The following BMPR2 variants were observed in gnomAD, a reference collection of about 807,000 sequenced individuals.
BMPR2 encodes the protein bone morphogenetic protein receptor type 2, also known as bone morphogenetic protein receptor type-2.
A neutral mutation model predicts 100.8 loss-of-function variants in BMPR2; 29 were observed. That is an observed-to-expected ratio of 0.29 (90% CI 0.21 to 0.39). The LOEUF is 0.39. Among genes scored for constraint, BMPR2 ranks in the 10% least tolerant of loss-of-function variants. BMPR2 has a pLI of 1.00. For synonymous variants in BMPR2, 382 were observed against 442.3 expected (o/e 0.86, Z 1.71); for missense variants, 1,011 against 1,274.5 (o/e 0.79, Z 3.15).
At chr2:202,498,743 A>G (rs1370936582) in intron 3 of BMPR2, among the ~76,000 whole-genome samples, 2 of 152,036 alleles carry the variant, frequency 1.3e-5, no homozygotes, top group Non-Finnish European at 2.9e-5. Context: ...TTTCTGCACT[A>G]CGGCTTGGCC....
chr2:202,378,727 C>T (rs1690209656), intron 1 of BMPR2, among the ~76,000 whole-genome samples: 1 of 152,068 alleles, frequency 6.6e-6, no homozygotes, highest in African/African-American at 2.4e-5. Flanking sequence ...TACTTTAAAA[C>T]TGATATTTTA....
intron 3 of BMPR2, among the ~76,000 whole-genome samples, chr2:202,488,065 A>G (rs534481512): frequency 1.2e-4 from 19 of 152,292 alleles, no homozygotes; most frequent in Middle Eastern, 3.4e-3. Context: ...TCATGTATTT[A>G]TTCATGTATC....
intron 3 of BMPR2, among the ~76,000 whole-genome samples, chr2:202,485,772 T>G (rs752844672): frequency 1.3e-4 from 20 of 151,904 alleles, no homozygotes; most frequent in Non-Finnish European, 2.9e-4. Flanking sequence ...CTCAAACTCC[T>G]GACCTCAAGT....
intron 1 of BMPR2, among the ~76,000 whole-genome samples, chr2:202,393,788 C>T (rs1027749447): frequency 6.6e-6 from 1 of 151,594 alleles, no homozygotes; most frequent in Non-Finnish European, 1.5e-5. Context: ...TGAGCTGATT[C>T]TTGAAATCTT....
At chr2:202,389,055 A>G (rs763952172) in intron 1 of BMPR2, among the ~76,000 whole-genome samples, 1 of 151,742 alleles carries the variant, frequency 6.6e-6, no homozygotes, top group Non-Finnish European at 1.5e-5. Context: ...TATAATGAGA[A>G]CCCTGTCTCT....
intron 3 of BMPR2, among the ~76,000 whole-genome samples, chr2:202,478,147 G>C (rs1213245508): frequency 6.6e-6 from 1 of 152,112 alleles, no homozygotes; most frequent in Admixed American, 6.6e-5. Context: ...CTATTTAGTG[G>C]TATTCTTTTG....
chr2:202,517,816 CTTTTTTT>C (rs753338130), intron 5 of BMPR2, among the ~76,000 whole-genome samples: 8 of 142,312 alleles, frequency 5.6e-5, no homozygotes, highest in Non-Finnish European at 1.2e-4. Flanking sequence ...CTTCTTTTTT[CTTTTTTT>C]TTTTTTTGAG....
intron 1 of BMPR2, among the ~76,000 whole-genome samples, chr2:202,441,717 C>CAAAAA (rs33963123): frequency 4.5e-5 from 2 of 43,976 alleles, no homozygotes; most frequent in Non-Finnish European, 7.6e-5. Context: ...GACTCCGTCT[C>CAAAAA]AAAAAAAAAA....
At chr2:202,416,572 C>A (rs1417049496) in intron 1 of BMPR2, among the ~76,000 whole-genome samples, 1 of 151,476 alleles carries the variant, frequency 6.6e-6, no homozygotes, top group East Asian at 2.0e-4. Flanking sequence ...ACTACAGGCA[C>A]GTGCCACCAC....
chr2:202,490,937 G>GT (rs1235437996), intron 3 of BMPR2, among the ~76,000 whole-genome samples: 2 of 151,852 alleles, frequency 1.3e-5, no homozygotes, highest in Non-Finnish European at 2.9e-5. Flanking sequence ...TTTGTTTTTT[G>GT]TTTTTTGTTT....
chr2:202,452,200 T>A (rs974155354), intron 1 of BMPR2, among the ~76,000 whole-genome samples: 4 of 152,220 alleles, frequency 2.6e-5, no homozygotes, highest in Non-Finnish European at 4.4e-5. Flanking sequence ...CAATGACTGA[T>A]CTGCTTTAGA....
intron 1 of BMPR2, among the ~76,000 whole-genome samples, chr2:202,457,574 A>AGT: frequency 7.0e-6 from 1 of 143,576 alleles, no homozygotes; most frequent in Middle Eastern, 3.7e-3. Flanking sequence ...AGAGAGAGAG[A>AGT]GAGAGAGAGA....
chr2:202,454,162 C>A (rs372089166), intron 1 of BMPR2, among the ~76,000 whole-genome samples: 1 of 152,080 alleles, frequency 6.6e-6, no homozygotes, highest in Admixed American at 6.6e-5. Context: ...CACCACCTCC[C>A]GGGCTCAAGT....
chr2:202,524,383 A>G (rs537301483), intron 7 of BMPR2, among the ~76,000 whole-genome samples: 2 of 148,242 alleles, frequency 1.3e-5, no homozygotes, highest in African/African-American at 2.5e-5. Context: ...AAAAACAACT[A>G]CCTGTTGGGT....
chr2:202,468,683 T>C (rs915820458), intron 3 of BMPR2, among the ~76,000 whole-genome samples: 6 of 152,162 alleles, frequency 3.9e-5, no homozygotes, highest in Admixed American at 3.9e-4. Context: ...TGTCCAAGAA[T>C]AGGAGATTAG....
intron 12 of BMPR2, 86 bp from the exon 13 acceptor site, chr2:202,559,610 G>C: frequency 7.1e-7 from 1 of 1,412,992 alleles, no homozygotes; most frequent in Non-Finnish European, 9.9e-7. Context: ...CTGAGACATT[G>C]GTTTGACCTT....
chr2:202,494,954 G>A (rs530354779), intron 3 of BMPR2, among the ~76,000 whole-genome samples: 2 of 152,260 alleles, frequency 1.3e-5, no homozygotes, highest in African/African-American at 4.8e-5. Context: ...TGCGTGATGC[G>A]GGGTGTGGCT....
At chr2:202,420,346 TTAAAA>T (rs928597753) in intron 1 of BMPR2, among the ~76,000 whole-genome samples, 4 of 152,042 alleles carry the variant, frequency 2.6e-5, no homozygotes, top group African/African-American at 9.7e-5. Flanking sequence ...GTATAGTTAA[TTAAAA>T]TAATTTATAC....
intron 1 of BMPR2, among the ~76,000 whole-genome samples, chr2:202,418,549 C>T (rs1050341562): frequency 1.3e-5 from 2 of 152,152 alleles, no homozygotes; most frequent in Non-Finnish European, 2.9e-5. Context: ...TGATTTTATA[C>T]ATTTTAGGGT....
Sources: gnomAD v4.1 joint callset for allele counts (sites outside exome capture counted in the v4.1 genomes callset) on GRCh38, gnomAD v4.1.1 for gene constraint, MANE v1.5 for transcripts, NCBI Gene and HGNC (gene_info 2026-07-23, HGNC 2026-07-21) for gene names.